Variants in EPPK1 observed in about 807,000 individuals in gnomAD.
EPPK1 encodes the protein epiplakin.
For missense variants in EPPK1, 3,823 were observed against 3,673.3 expected, an observed-to-expected ratio of 1.04 and a Z score of -1.05; for synonymous variants, 1,862 against 1,721.2, an observed-to-expected ratio of 1.08 and a Z score of -2.03.
In EPPK1 at chr8:143,859,002, T is replaced by C. The variant is rs1818979721; in HGVS notation, c.14252A>G (p.Glu4751Gly). ...CTGGGTCTCGCCCTCCCCCTGGCCC[T>C]CTCGCTGGGAGCGCCCCGAGTCGCC... is the stretch of plus-strand genomic sequence containing the variant. ...GDGDSGRSQREGQGEGETQEA... is the reference protein window; with the variant it reads ...GDGDSGRSQRGGQGEGETQEA... The change falls in exon 2 of 2, where the codon GAG (glutamate) becomes GGG (glycine). Residue 4751 changes from glutamate (E) to glycine (G), a missense_variant. By Grantham distance (98) the Glu-to-Gly change is moderately conservative (BLOSUM62 -2). Transcript: ENST00000615648. 2.8e-6 allele frequency: 1 copy of C among 352,574 alleles called. No homozygotes were observed. The highest frequency in any genetic ancestry group is 2.2e-5 in the African/African-American group (1 of 45,322). 21.8% of individuals were successfully genotyped at this position (352,574 alleles called of 1,614,324 possible). A position where few individuals can be genotyped will look rare whatever the true frequency, so the allele number is the denominator to read the frequency against.
In EPPK1 at chr8:143,868,537, T is replaced by C. The variant is rs370108979; in HGVS notation, c.4717A>G (p.Ile1573Val). 1 of 1,606,132 alleles carries C rather than the reference T, an allele frequency of 6.2e-7. No homozygotes were observed. Among genetic ancestry groups the C allele is most frequent in the African/African-American group, 1.3e-5 (1 of 74,872 alleles). ...VKRSLEGGNFIAGVLIQGTQE... is the reference protein window; with the variant it reads ...VKRSLEGGNFVAGVLIQGTQE... ...GTGCCCTGGATAAGGACCCCGGCAA[T>C]GAAGTTGCCTCCCTCCAGGGACCGC... The change falls in exon 2 of 2, where the codon ATT (isoleucine) becomes GTT (valine). Residue 1573 changes from isoleucine to valine, a missense_variant. Ile to Val is a conservative substitution (Grantham distance 29). Transcript: ENST00000615648.
Position 143,868,696 on chromosome 8 carries a change from T to C in EPPK1, c.4558A>G (p.Thr1520Ala), listed in dbSNP as rs1365331385. Residue 1520 changes from threonine (T) to alanine (A), a missense_variant, in exon 2 of 2, where the codon ACC becomes GCC. Physicochemically the swap from Thr to Ala is moderately conservative, Grantham distance 58. Transcript: ENST00000615648. ...EAAERQPLQA[T>A]FRGLRKQVSA... The stretch of plus-strand genomic sequence containing the variant: ...ACCTGCTTCCGGAGCCCTCTGAAGG[T>C]GGCCTGCAGGGGCTGCCTCTCTGCA... 12 of 1,580,180 alleles carry C rather than the reference T, an allele frequency of 7.6e-6. No individual in the cohort carries two copies. Among genetic ancestry groups the C allele is most frequent in the Middle Eastern group, 1.7e-4 (1 of 6,034 alleles).
chr8:143,872,999 C>A lies in EPPK1; in HGVS notation c.255G>T (p.Val85=). The A allele has an allele frequency of 6.3e-7, 1 of 1,580,284 alleles. No homozygotes were observed. The highest frequency in any genetic ancestry group is 2.3e-5 in the East Asian group (1 of 44,322). Reference sequence around the variant, plus strand: ...GGAGCAGCTGGCCCCGGGCGAGGTCCACCAGGCCCCCAGTGGCTGCCTGGG... The same window carrying A: ...GGAGCAGCTGGCCCCGGGCGAGGTCAACCAGGCCCCCAGTGGCTGCCTGGG... ...LEAQAATGGL[V]DLARGQLLPV... is the part of the protein sequence containing the mutation. Residue 85 remains valine (V), a synonymous_variant, in exon 2 of 2, where the codon GTG becomes GTT. Transcript: ENST00000615648.
Position 143,866,622 on chromosome 8 carries a change from A to G in EPPK1, c.6632T>C (p.Met2211Thr), listed in dbSNP as rs782069104. Residue 2211 changes from methionine to threonine, a missense_variant, in exon 2 of 2, where the codon ATG becomes ACG. Coordinates refer to ENST00000615648, the MANE Select transcript of EPPK1 (RefSeq NM_031308.4). ...GTAGCGCTTGACGCGGTCGTCCTCCATGAGCTCTTGCGTCGTGCTCCGTCC... is the reference window on the plus strand; with the variant it reads ...GTAGCGCTTGACGCGGTCGTCCTCCGTGAGCTCTTGCGTCGTGCTCCGTCC... ...ETGRSTTQEL[M>T]EDDRVKRYLE... 31 of 1,612,920 alleles carry G rather than the reference A, an allele frequency of 1.9e-5. No individual in the cohort carries two copies. In the East Asian group the frequency reaches 2.9e-4, roughly 15 times the overall value.
rs531814619 is a variant in EPPK1, at chr8:143,873,076, C to T, written c.178G>A (p.Ala60Thr). ...GCAGGCAGGAGGCCCTGCTCCATGG[C>T]GGCGTAGACACTCTGGGCCTGGCCC... Reference protein sequence around the residue: ...ASGQAQSVYAAMEQGLLPAGL... With the variant: ...ASGQAQSVYATMEQGLLPAGL... The change falls in exon 2 of 2, where the codon GCC becomes ACC. Residue 60 changes from alanine to threonine, a missense_variant. Coordinates refer to ENST00000615648, the MANE Select transcript of EPPK1 (RefSeq NM_031308.4). 1.5e-5 allele frequency: 24 copies of T among 1,552,016 alleles called. 1 individual carries two copies. The highest frequency in any genetic ancestry group is 5.4e-5 in the African/African-American group (4 of 73,600).
intron 1 of EPPK1, among the ~76,000 whole-genome samples, chr8:143,876,320 C>T (rs538058613): frequency 7.9e-5 from 12 of 152,324 alleles, no homozygotes; most frequent in South Asian, 2.1e-4. Flanking sequence ...CCAGCAGGCG[C>T]GCCCGGGTTG....
upstream of EPPK1, chr8:143,878,482 C>A: frequency 6.9e-6 from 1 of 144,908 alleles, no homozygotes; most frequent in South Asian, 1.8e-4. Flanking sequence ...CGCGCCCGCT[C>A]CGCCCGCATT....
Position 143,868,846 on chromosome 8 carries a change from A to G in EPPK1, c.4408T>C (p.Trp1470Arg), listed in dbSNP as rs1819234037. The G allele has an allele frequency of 1.2e-6, 2 of 1,608,304 alleles. No homozygotes were observed. The highest frequency in any genetic ancestry group is 8.5e-7 in the Non-Finnish European group (1 of 1,179,710). The stretch of plus-strand genomic sequence containing the variant: ...ACGTATTCGGAGAGCAGCAGGTCCC[A>G]GAGTGACACGCTACACCCCTTAAAC... Reference protein sequence around the residue: ...GRFKGCSVSLWDLLLSEYVGA... With the variant: ...GRFKGCSVSLRDLLLSEYVGA... Residue 1470 changes from tryptophan (W) to arginine (R), a missense_variant, in exon 2 of 2, where the codon TGG becomes CGG. Coordinates refer to ENST00000615648, the MANE Select transcript of EPPK1 (RefSeq NM_031308.4).
chr8:143,866,785 G>A lies in EPPK1; in HGVS notation c.6469C>T (p.Leu2157Phe), dbSNP rs117882320. ...TRRALQTVAQ[L>F]ILELIEKQET... ...TGCTTCTCGATCAACTCTAAGATGA[G>A]CTGCGCTACCGTCTGCAGTGCCCGT... The change falls in exon 2 of 2, where the codon CTC (leucine) becomes TTC (phenylalanine). Residue 2157 changes from leucine (L) to phenylalanine (F), a missense_variant. By Grantham distance (22) the Leu-to-Phe change is conservative. Coordinates refer to ENST00000615648, the MANE Select transcript of EPPK1 (RefSeq NM_031308.4). 334 of 1,613,484 alleles carry A rather than the reference G, an allele frequency of 2.1e-4. 2 individuals carry two copies. The East Asian group carries it at 3.5e-3, about 17-fold the overall frequency.
chr8:143,866,805 G>A lies in EPPK1; in HGVS notation c.6449C>T (p.Ala2150Val), dbSNP rs1203315519. The change falls in exon 2 of 2, where the codon GCA becomes GTA. Residue 2150 changes from alanine to valine, a missense_variant. Coordinates refer to ENST00000615648, the MANE Select transcript of EPPK1 (RefSeq NM_031308.4). Reference protein sequence around the residue: ...VRMYRTHTRRALQTVAQLILE... With the variant: ...VRMYRTHTRRVLQTVAQLILE... The stretch of plus-strand genomic sequence containing the variant: ...GATGAGCTGCGCTACCGTCTGCAGT[G>A]CCCGTCTGGTGTGTGTTCTATACAT... 4 of 1,613,330 alleles carry A rather than the reference G, an allele frequency of 2.5e-6. No homozygotes were observed. The highest frequency in any genetic ancestry group is 1.1e-5 in the South Asian group (1 of 91,092).
rs1276783841 is a variant in EPPK1 at position 143,872,566 on chromosome 8, G to C, written c.688C>G (p.Pro230Ala). The C allele has an allele frequency of 6.2e-7, 1 of 1,606,746 alleles. No homozygotes were observed. The highest frequency in any genetic ancestry group is 1.3e-5 in the African/African-American group (1 of 75,004). Reference sequence around the variant, plus strand: ...ATGGAGCGGAAGGTGATCTTGAGGGGCAGCAAGGCTAGCCCCGAGCCGGGG... The same window carrying C: ...ATGGAGCGGAAGGTGATCTTGAGGGCCAGCAAGGCTAGCCCCGAGCCGGGG... Reference protein sequence around the residue: ...RAPGSGLALLPLKITFRSMGG... With the variant: ...RAPGSGLALLALKITFRSMGG... Residue 230 changes from proline (P) to alanine (A), a missense_variant, in exon 2 of 2, where the codon CCC becomes GCC. Coordinates refer to ENST00000615648, the MANE Select transcript of EPPK1 (RefSeq NM_031308.4).
At chr8:143,875,885 C>T (rs1035867018) in intron 1 of EPPK1, among the ~76,000 whole-genome samples, 7 of 152,216 alleles carry the variant, frequency 4.6e-5, no homozygotes, top group Admixed American at 2.0e-4. Flanking sequence ...TTCCCATGTG[C>T]GTGTGTCCCA....
At position 143,866,620 on chromosome 8, in the gene EPPK1, C is replaced by G; in HGVS notation, c.6634G>C (p.Glu2212Gln). The change falls in exon 2 of 2, where the codon GAG becomes CAG. Residue 2212 changes from glutamate (E) to glutamine (Q), a missense_variant. Transcript: ENST00000615648. Reference protein sequence around the residue: ...TGRSTTQELMEDDRVKRYLEG... With the variant: ...TGRSTTQELMQDDRVKRYLEG... ...AGGTAGCGCTTGACGCGGTCGTCCT[C>G]CATGAGCTCTTGCGTCGTGCTCCGT... 6.2e-7 allele frequency: 1 copy of G among 1,612,944 alleles called. No homozygotes were observed. The highest frequency in any genetic ancestry group is 8.5e-7 in the Non-Finnish European group (1 of 1,179,878).
Position 143,868,593 on chromosome 8 carries a change from A to G in EPPK1, c.4661T>C (p.Val1554Ala), listed in dbSNP as rs1343040770. The change falls in exon 2 of 2, where the codon GTG becomes GCG. Residue 1554 changes from valine (V) to alanine (A), a missense_variant. Physicochemically the swap from Val to Ala is moderately conservative, Grantham distance 64. Transcript: ENST00000615648. ...GCTGTCCATCTCCGCCACCTCCTTC[A>G]CAGTCGTTGTCCCCTGGCTCAGCTC... The part of the protein sequence containing the change: ...LDELSQGTTT[V>A]KEVAEMDSVK... 10 of 1,603,932 alleles carry G rather than the reference A, an allele frequency of 6.2e-6. No homozygotes were observed. Among genetic ancestry groups the G allele is most frequent in the Admixed American group, 3.4e-5 (2 of 58,814 alleles).
In EPPK1 at chr8:143,868,012, C is replaced by G. The variant is rs183188472; in HGVS notation, c.5242G>C (p.Glu1748Gln). 1 of 1,613,572 alleles carries G rather than the reference C, an allele frequency of 6.2e-7. No individual in the cohort carries two copies. The highest frequency in any genetic ancestry group is 1.3e-5 in the African/African-American group (1 of 74,936). Reference sequence around the variant, plus strand: ...AGGTACAGGCCCGTCTCGGGGTCCTCCACACAGCGCTCCAGAAGCTGCAGG... The same window carrying G: ...AGGTACAGGCCCGTCTCGGGGTCCTGCACACAGCGCTCCAGAAGCTGCAGG... Reference protein sequence around the residue: ...TYLQLLERCVEDPETGLYLLQ... With the variant: ...TYLQLLERCVQDPETGLYLLQ... Residue 1748 changes from glutamate to glutamine, a missense_variant, in exon 2 of 2, where the codon GAG becomes CAG. Glu to Gln is a conservative substitution (Grantham distance 29). Coordinates refer to ENST00000615648, the MANE Select transcript of EPPK1 (RefSeq NM_031308.4).
Position 143,868,915 on chromosome 8 carries a change from C to A in EPPK1, c.4339G>T (p.Ala1447Ser), listed in dbSNP as rs370183040. ...DTVLEVDDHT[A>S]VALRAMKVPV... ...ACCTTCATGGCCCTCAGAGCCACCG[C>A]GGTGTGGTCGTCCACCTCAAGCACT... Residue 1447 changes from alanine (A) to serine (S), a missense_variant, in exon 2 of 2, where the codon GCG becomes TCG. By Grantham distance (99) the Ala-to-Ser change is moderately conservative (BLOSUM62 1). Coordinates refer to ENST00000615648, the MANE Select transcript of EPPK1 (RefSeq NM_031308.4). The A allele has an allele frequency of 6.2e-7, 1 of 1,611,048 alleles. No individual in the cohort carries two copies. Among genetic ancestry groups the A allele is most frequent in the East Asian group, 2.2e-5 (1 of 44,880 alleles).
rs1554661509 is a variant in EPPK1, at chr8:143,872,305, G to C, written c.949C>G (p.Pro317Ala). The change falls in exon 2 of 2, where the codon CCA (proline) becomes GCA (alanine). Residue 317 changes from proline (P) to alanine (A), a missense_variant. Transcript: ENST00000615648. ...EHLLPMGTAL[P>A]LLEAQAATHT... ...GTGGCAGCCTGGGCCTCTAGGAGTGGCAGCGCGGTGCCCATTGGGAGCAGG... is the reference window on the plus strand; with the variant it reads ...GTGGCAGCCTGGGCCTCTAGGAGTGCCAGCGCGGTGCCCATTGGGAGCAGG... The C allele has an allele frequency of 6.2e-7, 1 of 1,600,850 alleles. No homozygotes were observed. The highest frequency in any genetic ancestry group is 1.1e-5 in the South Asian group (1 of 89,990).
chr8:143,867,269 C>G lies in EPPK1; in HGVS notation c.5985G>C (p.Lys1995Asn), dbSNP rs1316876752. 15 of 1,612,406 alleles carry G rather than the reference C, an allele frequency of 9.3e-6. No individual in the cohort carries two copies. Among genetic ancestry groups the G allele is most frequent in the Non-Finnish European group, 1.3e-5 (15 of 1,179,676 alleles). The change falls in exon 2 of 2, where the codon AAG becomes AAC. Residue 1995 changes from lysine (K) to asparagine (N), a missense_variant. Lys to Asn is a moderately conservative substitution (Grantham distance 94, BLOSUM62 0). Coordinates refer to ENST00000615648, the MANE Select transcript of EPPK1 (RefSeq NM_031308.4). ...GTGCCTCCGCCTTCTCGATGAGCTG[C>G]TTCTGCATGGCCTGGAACAGCGGGA... ...DTIPLFQAMQ[K>N]QLIEKAEALR...
chr8:143,858,221 G>C lies in EPPK1; in HGVS notation c.15033C>G (p.Ile5011Met). The C allele has an allele frequency of 6.2e-7, 1 of 1,607,816 alleles. No homozygotes were observed. The highest frequency in any genetic ancestry group is 8.5e-7 in the Non-Finnish European group (1 of 1,178,160). The change falls in exon 2 of 2, where the codon ATC becomes ATG. Residue 5011 changes from isoleucine (I) to methionine (M), a missense_variant. Physicochemically the swap from Ile to Met is conservative, Grantham distance 10 (BLOSUM62 1). Coordinates refer to ENST00000615648, the MANE Select transcript of EPPK1 (RefSeq NM_031308.4). ...EHGIRLLEAQ[I>M]ATGGVIDPVH... ...CGGGGTCGATGACGCCGCCCGTGGCGATCTGGGCCTCCAGCAGGCGGATGC... is the reference window on the plus strand; with the variant it reads ...CGGGGTCGATGACGCCGCCCGTGGCCATCTGGGCCTCCAGCAGGCGGATGC...
Sources: allele counts gnomAD v4.1 joint callset (sites outside exome capture counted in the v4.1 genomes callset), GRCh38; gene constraint gnomAD v4.1.1; transcripts MANE v1.5; gene names NCBI Gene and HGNC (gene_info 2026-07-23, HGNC 2026-07-21).